Variants in SYTL5 observed in about 807,000 individuals in gnomAD.
SYTL5 encodes the protein synaptotagmin like 5.
SYTL5 carries 34 observed loss-of-function variants against 55.9 expected under a neutral mutation model. The observed-to-expected ratio is 0.61, with a 90% confidence interval of 0.46 to 0.81. SYTL5 has a LOEUF of 0.81. SYTL5 is among the 30% of genes least tolerant of loss of function. SYTL5 has a pLI of 0.00. For synonymous variants in SYTL5, 221 were observed against 188.7 expected, an observed-to-expected ratio of 1.17 and a Z score of -1.40; for missense variants, 637 against 546.7, an observed-to-expected ratio of 1.17 and a Z score of -1.65.
chrX:37,916,983 T>C, the SYTL5 span, among the ~76,000 whole-genome samples: 1 of 111,961 alleles, frequency 8.9e-6, no homozygotes, highest in Non-Finnish European at 1.9e-5. Context: ...TTGTTTATGA[T>C]GATCTTGTCA....
chrX:37,978,365 G>C, the SYTL5 span, among the ~76,000 whole-genome samples: 1 of 111,623 alleles, frequency 9.0e-6, no homozygotes. Flanking sequence ...CAGGTGGTGA[G>C]GGGGAGACAA....
At chrX:38,049,074 A>C (rs1935554699) in intron 2 of SYTL5, among the ~76,000 whole-genome samples, 1 of 111,587 alleles carries the variant, frequency 9.0e-6, no homozygotes, top group African/African-American at 3.3e-5. Context: ...CAGGCATCAG[A>C]ATCAGGCTGC....
At chrX:38,046,709 T>G (rs920547279) in intron 2 of SYTL5, among the ~76,000 whole-genome samples, 30 of 111,655 alleles carry the variant, frequency 2.7e-4, no homozygotes, top group African/African-American at 8.8e-4. Flanking sequence ...ATTTCAGCAT[T>G]AACTCAAAAG....
At chrX:38,070,145 C>G (rs1188193911) in intron 3 of SYTL5, among the ~76,000 whole-genome samples, 1 of 111,564 alleles carries the variant, frequency 9.0e-6, no homozygotes, top group Non-Finnish European at 1.9e-5. Context: ...ATATAATTTA[C>G]CTTTGCCTCA....
At chrX:37,982,693 A>T in the SYTL5 span, among the ~76,000 whole-genome samples, 1 of 111,877 alleles carries the variant, frequency 8.9e-6, no homozygotes, top group Non-Finnish European at 1.9e-5. Context: ...GAAAAGCCAT[A>T]TTGGGTTAAG....
At chrX:38,098,601 A>T (rs1357513242) in intron 9 of SYTL5, among the ~76,000 whole-genome samples, 1 of 110,726 alleles carries the variant, frequency 9.0e-6, no homozygotes, top group African/African-American at 3.3e-5. Context: ...AGTGGTAATG[A>T]AAAATGCTAC....
At chrX:38,047,659 C>A (rs1935504920) in intron 2 of SYTL5, among the ~76,000 whole-genome samples, 1 of 112,780 alleles carries the variant, frequency 8.9e-6, no homozygotes, top group African/African-American at 3.2e-5. Context: ...CAAATTTATG[C>A]AGCCGGCATG....
Position 38,033,759 on chromosome X carries a change from C to A in SYTL5, c.-131C>A. 1 of 406,425 alleles carries A rather than the reference C, an allele frequency of 2.5e-6. No individual in the cohort carries two copies. Among genetic ancestry groups the A allele is most frequent in the Admixed American group, 3.8e-5 (1 of 26,429 alleles). The allele number at this position is 406,425 out of a possible 1,213,427, so 33.5% of individuals were successfully genotyped here. ...ACTACCATACGCAATTCTGCAGAGA[C>A]CTTGTAAAAATCACACTTTACACCA... On this transcript the variant is annotated 5_prime_UTR_variant, in exon 2 of 17. Transcript: ENST00000297875.
chrX:38,092,573 G>A (rs746931654), intron 7 of SYTL5, among the ~76,000 whole-genome samples: 8 of 111,238 alleles, frequency 7.2e-5, no homozygotes, highest in Admixed American at 1.9e-4. Flanking sequence ...CAAACAAGCC[G>A]CTTTTCCCTG....
intron 2 of SYTL5, among the ~76,000 whole-genome samples, chrX:38,050,447 ATAGT>A (rs1935591135): frequency 8.9e-6 from 1 of 111,847 alleles, no homozygotes; most frequent in Non-Finnish European, 1.9e-5. Context: ...AACCATCAAG[ATAGT>A]TAATCTTTTC....
At chrX:38,094,257 T>C (rs750460896) in intron 7 of SYTL5, 38 bp from the exon 8 acceptor site, 1 of 1,134,941 alleles carries the variant, frequency 8.8e-7, no homozygotes, top group Admixed American at 2.2e-5. Flanking sequence ...TAAATTACAG[T>C]CAGTATAATT....
At chrX:38,041,398 A>G (rs548726963) in intron 2 of SYTL5, among the ~76,000 whole-genome samples, 16 of 112,302 alleles carry the variant, frequency 1.4e-4, no homozygotes, top group African/African-American at 4.8e-4. Flanking sequence ...TCAAAAGCCT[A>G]AAGACTCATT....
the SYTL5 span, among the ~76,000 whole-genome samples, chrX:37,978,521 C>CA: frequency 8.9e-6 from 1 of 112,085 alleles, no homozygotes; most frequent in African/African-American, 3.2e-5. Context: ...ATAATGCTTA[C>CA]AAATAAAGCC....
chrX:38,017,319 A>G (rs760677473), intron 1 of SYTL5, among the ~76,000 whole-genome samples: 1 of 112,103 alleles, frequency 8.9e-6, no homozygotes, highest in African/African-American at 3.2e-5. Flanking sequence ...ATGTAATATA[A>G]CACTGGATTA....
At chrX:38,092,045 A>C (rs1346549974) in intron 7 of SYTL5, among the ~76,000 whole-genome samples, 2 of 112,440 alleles carry the variant, frequency 1.8e-5, no homozygotes, top group African/African-American at 6.5e-5. Flanking sequence ...AAGACAGCAC[A>C]GTAGTTTATG....
intron 6 of SYTL5, among the ~76,000 whole-genome samples, chrX:38,086,565 C>T (rs1300889409): frequency 8.9e-6 from 1 of 111,837 alleles, no homozygotes; most frequent in African/African-American, 3.3e-5. Context: ...CACATTTTAG[C>T]TTGAAGGTTT....
chrX:38,085,806 T>C (rs750818588), intron 6 of SYTL5, among the ~76,000 whole-genome samples: 1 of 111,351 alleles, frequency 9.0e-6, no homozygotes, highest in Non-Finnish European at 1.9e-5. Context: ...GAGACCTTTA[T>C]GTAAAGCAGA....
intron 2 of SYTL5, among the ~76,000 whole-genome samples, chrX:38,048,727 C>T (rs1450851347): frequency 1.8e-5 from 2 of 110,390 alleles, no homozygotes; most frequent in African/African-American, 6.6e-5. Context: ...GAAAGACCCA[C>T]CAAATGATTA....
chrX:37,967,114 C>T, the SYTL5 span, among the ~76,000 whole-genome samples: 32 of 111,510 alleles, frequency 2.9e-4, 1 homozygote, highest in Non-Finnish European at 4.0e-4. Context: ...TGCAGTGGTG[C>T]GAACTCGGCT....
Sources: allele counts gnomAD v4.1 joint callset (sites outside exome capture counted in the v4.1 genomes callset), GRCh38; gene constraint gnomAD v4.1.1; transcripts MANE v1.5; gene names NCBI Gene and HGNC (gene_info 2026-07-23, HGNC 2026-07-21).